DIAPH3: variants seen among roughly 807,000 people sequenced by gnomAD.
DIAPH3 encodes protein diaphanous homolog 3.
DIAPH3 carries 117 observed loss-of-function variants against 144.3 expected under a neutral mutation model. The observed-to-expected ratio is 0.81, with a 90% CI of 0.70 to 0.95. The LOEUF is 0.95. Among genes scored for constraint, DIAPH3 ranks in the 40% least tolerant of loss-of-function variants. The probability of loss-of-function intolerance (pLI) is 0.00; values close to 1 mark genes in which losing one functional copy is unlikely to be tolerated. For synonymous variants in DIAPH3, 519 were observed against 488.9 expected, an observed-to-expected ratio of 1.06 and a Z score of -0.81; for missense variants, 1,421 against 1,412.7, an observed-to-expected ratio of 1.01 and a Z score of -0.09.
At chr13:59,744,309 G>A (rs972953966) in intron 27 of DIAPH3, among the ~76,000 whole-genome samples, 1 of 152,132 alleles carries the variant, frequency 6.6e-6, no homozygotes, top group African/African-American at 2.4e-5. Flanking sequence ...GACATTATGA[G>A]TAGAAATAAT....
intron 15 of DIAPH3, 95 bp from the exon 16 acceptor site, chr13:59,971,255 A>G (rs1020176873): frequency 3.8e-5 from 45 of 1,168,854 alleles, no homozygotes; most frequent in Non-Finnish European, 5.3e-5. Context: ...CATTTAAACC[A>G]AAAATAATTA....
At chr13:59,697,926 T>C (rs2033906153) in intron 27 of DIAPH3, among the ~76,000 whole-genome samples, 1 of 152,260 alleles carries the variant, frequency 6.6e-6, no homozygotes, top group Non-Finnish European at 1.5e-5. Flanking sequence ...TTTTAAGATG[T>C]TAATCATGTT....
At chr13:59,880,995 A>AAAAG (rs2044993852) in intron 20 of DIAPH3, among the ~76,000 whole-genome samples, 1 of 150,610 alleles carries the variant, frequency 6.6e-6, no homozygotes, top group African/African-American at 2.4e-5. Flanking sequence ...AAAAAAAAAA[A>AAAAG]AAGAAGAAGA....
intron 9 of DIAPH3, among the ~76,000 whole-genome samples, chr13:59,997,443 TCCA>T (rs2052272570): frequency 6.6e-6 from 1 of 152,108 alleles, no homozygotes; most frequent in Non-Finnish European, 1.5e-5. Context: ...TATCCATTCA[TCCA>T]CTGATAAACA....
chr13:60,077,065 T>C (rs2057403810), intron 4 of DIAPH3, among the ~76,000 whole-genome samples: 1 of 152,118 alleles, frequency 6.6e-6, no homozygotes, highest in Non-Finnish European at 1.5e-5. Context: ...TTAAGTTGTA[T>C]CTTTGATTTT....
At chr13:59,971,762 C>T (rs1228735319) in intron 15 of DIAPH3, among the ~76,000 whole-genome samples, 1 of 152,134 alleles carries the variant, frequency 6.6e-6, no homozygotes, top group Non-Finnish European at 1.5e-5. Flanking sequence ...TCCCTGCTAT[C>T]TGGTCTTGTA....
chr13:59,725,547 T>A (rs1242002097), intron 27 of DIAPH3, among the ~76,000 whole-genome samples: 1 of 152,232 alleles, frequency 6.6e-6, no homozygotes, highest in Non-Finnish European at 1.5e-5. Flanking sequence ...TAGCATTTCA[T>A]ATTAGATTCG....
chr13:59,790,105 A>G (rs1227240788), intron 25 of DIAPH3, among the ~76,000 whole-genome samples: 1 of 152,182 alleles, frequency 6.6e-6, no homozygotes, highest in Non-Finnish European at 1.5e-5. Flanking sequence ...CCTTGTTCCC[A>G]TGGGACTTAA....
rs144524763 is a variant in DIAPH3 at position 59,914,688 on chromosome 13, T to G, written c.2265+1467A>C. 2.2e-3 allele frequency among the ~76,000 whole-genome samples: 334 copies of G among 152,266 alleles called. 2 individuals carry two copies. Among genetic ancestry groups the G allele is most frequent in the African/African-American group, 7.7e-3 (319 of 41,562 alleles). ...AAGGAATTGAGGAATGCAAGATTGCTGGCTTGGAAGATGAAGGAATGGTTC... is the reference window on the plus strand; with the variant it reads ...AAGGAATTGAGGAATGCAAGATTGCGGGCTTGGAAGATGAAGGAATGGTTC... On this transcript the variant is annotated intron_variant, in intron 19 of 27. Transcript: ENST00000400324.
chr13:59,908,665 C>T (rs1165953244), intron 20 of DIAPH3, among the ~76,000 whole-genome samples: 4 of 152,006 alleles, frequency 2.6e-5, no homozygotes, highest in African/African-American at 9.7e-5. Flanking sequence ...AAAACACAAC[C>T]TTTCAGAAAA....
chr13:59,784,471 G>T (rs1306454583), intron 25 of DIAPH3, among the ~76,000 whole-genome samples: 1 of 151,966 alleles, frequency 6.6e-6, no homozygotes. Flanking sequence ...TGCCTCCCAG[G>T]TTCAAGTGAT....
Position 60,119,540 on chromosome 13 carries a change from G to A in DIAPH3, c.214-7354C>T, listed in dbSNP as rs375446494. 4.8e-3 allele frequency among the ~76,000 whole-genome samples: 736 copies of A among 151,886 alleles called. 3 individuals are homozygous for A. Among genetic ancestry groups the A allele is most frequent in the South Asian group, 0.026 (123 of 4,800 alleles). On this transcript the variant is annotated intron_variant, in intron 2 of 27. Coordinates refer to ENST00000400324, the MANE Select transcript of DIAPH3 (RefSeq NM_001042517.2). ...AGGCGGGTGGATCACGAGGTCAGGA[G>A]ATCGAGACCATCCCGGCTAAAACGG... is the stretch of plus-strand genomic sequence containing the variant.
intron 5 of DIAPH3, among the ~76,000 whole-genome samples, chr13:60,042,212 T>A (rs752690535): frequency 6.6e-6 from 1 of 152,194 alleles, no homozygotes; most frequent in Non-Finnish European, 1.5e-5. Flanking sequence ...AGTGTGTGTG[T>A]GTCTAGAATT....
intron 21 of DIAPH3, among the ~76,000 whole-genome samples, chr13:59,866,351 T>A (rs1360387433): frequency 6.6e-6 from 1 of 152,214 alleles, no homozygotes; most frequent in East Asian, 1.9e-4. Context: ...TCTGTGTGAA[T>A]ACAAAGCTCT....
At chr13:59,803,429 A>T (rs1285465733) in intron 25 of DIAPH3, among the ~76,000 whole-genome samples, 3 of 152,228 alleles carry the variant, frequency 2.0e-5, no homozygotes, top group Non-Finnish European at 4.4e-5. Flanking sequence ...TTCAGAATAT[A>T]GTAAATACCA....
chr13:60,035,306 C>G (rs940739513), intron 5 of DIAPH3, among the ~76,000 whole-genome samples: 1 of 151,936 alleles, frequency 6.6e-6, no homozygotes, highest in Non-Finnish European at 1.5e-5. Context: ...ACTTTGAAAC[C>G]AAATATTTAT....
chr13:59,981,616 T>C (rs2051024673), intron 13 of DIAPH3, among the ~76,000 whole-genome samples: 1 of 151,344 alleles, frequency 6.6e-6, no homozygotes, highest in Non-Finnish European at 1.5e-5. Flanking sequence ...AAGTAATTCA[T>C]ATGGATTTCC....
chr13:59,688,782 C>T (rs1056593320), intron 27 of DIAPH3, among the ~76,000 whole-genome samples: 4 of 151,668 alleles, frequency 2.6e-5, no homozygotes, highest in Admixed American at 6.6e-5. Context: ...GGGAACTTTA[C>T]GTAAAGGAAA....
At chr13:59,964,812 T>C (rs1212005799) in intron 17 of DIAPH3, among the ~76,000 whole-genome samples, 2 of 152,176 alleles carry the variant, frequency 1.3e-5, no homozygotes, top group Admixed American at 1.3e-4. Context: ...AACCAAATGA[T>C]ATGTCCCTAG....
Sources: allele counts gnomAD v4.1 joint callset (sites outside exome capture counted in the v4.1 genomes callset), GRCh38; gene constraint gnomAD v4.1.1; transcripts MANE v1.5; gene names NCBI Gene and HGNC (gene_info 2026-07-23, HGNC 2026-07-21).